MICAL3: variants seen among roughly 807,000 people sequenced by gnomAD.
MICAL3 encodes the protein microtubule associated monooxygenase, calponin and LIM domain containing 3.
In MICAL3, 62 loss-of-function variants were observed where a neutral mutation model predicts 207.4. That is an observed-to-expected ratio of 0.30 (90% CI 0.24 to 0.37). The LOEUF (loss-of-function observed/expected upper bound fraction) is 0.37. Ranked by LOEUF, MICAL3 falls within the 10% of genes least tolerant of loss-of-function variation. MICAL3 has a pLI of 1.00. For synonymous variants in MICAL3, 1,077 were observed against 1,069.3 expected (o/e 1.01, Z -0.14); for missense variants, 2,368 against 2,635.6 (o/e 0.90, Z 2.22).
chr22:17,920,008 T>C (rs1001687936), intron 1 of MICAL3, among the ~76,000 whole-genome samples: 4 of 152,210 alleles, frequency 2.6e-5, no homozygotes, highest in Admixed American at 6.5e-5. Flanking sequence ...ATGGCTAACA[T>C]CTGCATGAGA....
At chr22:18,012,498 G>T (rs1027816657) in intron 1 of MICAL3, among the ~76,000 whole-genome samples, 7 of 152,170 alleles carry the variant, frequency 4.6e-5, no homozygotes, top group African/African-American at 1.7e-4. Flanking sequence ...GGGGCCTGAA[G>T]TTCCATCATC....
At chr22:18,017,408 G>A (rs768018323) in intron 1 of MICAL3, among the ~76,000 whole-genome samples, 5 of 151,330 alleles carry the variant, frequency 3.3e-5, no homozygotes, top group Admixed American at 6.6e-5. Context: ...GTGGAGATGC[G>A]GTTTCACAAT....
intron 1 of MICAL3, among the ~76,000 whole-genome samples, chr22:17,935,121 G>C (rs1221009208): frequency 6.6e-6 from 1 of 152,204 alleles, no homozygotes; most frequent in East Asian, 1.9e-4. Context: ...GCATTGCCAA[G>C]ACAATCCTAA....
Position 17,871,910 on chromosome 22 carries a change from G to A in MICAL3, c.2355C>T (p.His785=), listed in dbSNP as rs749636925. 1 of 1,611,872 alleles carries A rather than the reference G, an allele frequency of 6.2e-7. No individual in the cohort carries two copies. The highest frequency in any genetic ancestry group is 8.5e-7 in the Non-Finnish European group (1 of 1,179,146). The change falls in exon 17 of 32, where the codon CAC becomes CAT. Residue 785 remains histidine (H), a synonymous_variant. Coordinates refer to ENST00000441493, the MANE Select transcript of MICAL3 (RefSeq NM_015241.3). ...ERLSAEGKFF[H]RSCFKCEYCA... ...AGTACTCGCACTTGAAGCAGCTCCG[G>A]TGGAAGAACTTGCCCTCGGCACTCA...
At chr22:17,872,652 C>T in intron 16 of MICAL3, 1 of 787,544 alleles carries the variant, frequency 1.3e-6, no homozygotes, top group Non-Finnish European at 2.2e-6. Context: ...GCATAGCATA[C>T]ACGGGCTATG....
intron 1 of MICAL3, among the ~76,000 whole-genome samples, chr22:17,913,562 C>T (rs1932274100): frequency 6.6e-6 from 1 of 151,952 alleles, no homozygotes; most frequent in Non-Finnish European, 1.5e-5. Flanking sequence ...TTCTCATGAC[C>T]AGCACTCTGC....
rs968698936 is a variant in MICAL3 at position 17,796,917 on chromosome 22, G to C, written c.5651-5616C>G. Reference sequence around the variant, plus strand: ...TGTGGGGTAGAATGGCCAACAGTGTGGGGGAAAGAGTGGCCAGCTGTAGGG... The same window carrying C: ...TGTGGGGTAGAATGGCCAACAGTGTCGGGGAAAGAGTGGCCAGCTGTAGGG... On this transcript the variant is annotated intron_variant, in intron 29 of 31. Transcript: ENST00000441493. This position sits in a 1 kb window ranked among gnomAD's most constrained non-coding sequence, Gnocchi z 4.4. 3.3e-5 allele frequency among the ~76,000 whole-genome samples: 5 copies of C among 149,424 alleles called. No individual in the cohort carries two copies. The highest frequency in any genetic ancestry group is 1.0e-4 in the African/African-American group (4 of 38,820).
At chr22:17,997,468 T>C (rs766020166) in intron 1 of MICAL3, among the ~76,000 whole-genome samples, 4 of 152,196 alleles carry the variant, frequency 2.6e-5, no homozygotes, top group Non-Finnish European at 5.9e-5. Context: ...GATGAATGCT[T>C]CTAGCAAAGG....
At chr22:17,809,715 GGGA>G (rs1309119298) in intron 28 of MICAL3, among the ~76,000 whole-genome samples, 2 of 152,176 alleles carry the variant, frequency 1.3e-5, no homozygotes, top group African/African-American at 4.8e-5. Flanking sequence ...GCTGGAGAAT[GGGA>G]GGAGAGCTCT....
At chr22:17,794,770 G>A (rs1030468476) in intron 29 of MICAL3, among the ~76,000 whole-genome samples, 5 of 152,176 alleles carry the variant, frequency 3.3e-5, no homozygotes, top group African/African-American at 1.2e-4. Flanking sequence ...ACGGGGCATC[G>A]AGAGACAGTG....
At chr22:17,943,168 CT>C (rs1245067691) in intron 1 of MICAL3, among the ~76,000 whole-genome samples, 2 of 152,076 alleles carry the variant, frequency 1.3e-5, no homozygotes, top group Non-Finnish European at 2.9e-5. Context: ...ATCTATCCTT[CT>C]TTTTTTTCTT....
Position 17,872,934 on chromosome 22 carries a change from G to GA in MICAL3, c.2242-912dup, listed in dbSNP as rs1927874185. On this transcript the variant is annotated intron_variant, in intron 16 of 31. Transcript: ENST00000441493. Reference sequence around the variant, plus strand: ...AATACATAAATTAAGAAGACACGGGGAAAAAAAGAAATCTTTGGGAAGTGC... The same window carrying GA: ...AATACATAAATTAAGAAGACACGGGGAAAAAAAAGAAATCTTTGGGAAGTGC... 25 of 925,346 alleles carry GA rather than the reference G, an allele frequency of 2.7e-5. No homozygotes were observed. The East Asian group carries it at 5.2e-4, about 19-fold the overall frequency. The allele number at this position is 925,346 out of a possible 1,614,324, so 57.3% of individuals were successfully genotyped here. A position where few individuals can be genotyped will look rare whatever the true frequency, so the allele number is the denominator to read the frequency against.
At chr22:17,925,954 TG>T (rs768116264) in intron 1 of MICAL3, among the ~76,000 whole-genome samples, 2 of 152,106 alleles carry the variant, frequency 1.3e-5, no homozygotes, top group Non-Finnish European at 2.9e-5. Context: ...TCTAAATCAC[TG>T]ATCAAAGAAA....
At chr22:17,967,463 A>AAC (rs71184751) in intron 1 of MICAL3, among the ~76,000 whole-genome samples, 52,372 of 125,870 alleles carry the variant, frequency 0.42, 10,032 homozygotes, top group South Asian at 0.56. Flanking sequence ...TGTACATGCA[A>AAC]ACACACACAC....
chr22:17,860,245 C>A (rs11917), intron 19 of MICAL3: 392,576 of 984,648 alleles, frequency 0.4, 81,118 homozygotes, highest in African/African-American at 0.68. Context: ...GTTTCACAGT[C>A]AACGGCAAAA....
chr22:17,942,809 G>A (rs981441419), intron 1 of MICAL3, among the ~76,000 whole-genome samples: 2 of 152,238 alleles, frequency 1.3e-5, no homozygotes, highest in Non-Finnish European at 2.9e-5. Flanking sequence ...CCAGCTTGAT[G>A]GGTGCTGCCC....
intron 29 of MICAL3, among the ~76,000 whole-genome samples, chr22:17,801,898 A>C (rs576473163): frequency 3.7e-4 from 57 of 152,036 alleles, no homozygotes; most frequent in South Asian, 1.5e-3. Context: ...CATCTCAAAA[A>C]AAACAAACAA....
chr22:17,822,307 G>GTCTGTCCCTGC, intron 23 of MICAL3, 137 bp from the exon 24 acceptor site: 1 of 1,148,056 alleles, frequency 8.7e-7, no homozygotes, highest in Non-Finnish European at 1.2e-6. Context: ...TCTTACGCAG[G>GTCTGTCCCTGC]GACAGACCTG....
chr22:17,935,356 T>G (rs1344493989), intron 1 of MICAL3, among the ~76,000 whole-genome samples: 3 of 152,200 alleles, frequency 2.0e-5, no homozygotes, highest in African/African-American at 7.2e-5. Flanking sequence ...TAAATGGTGC[T>G]GGGAAAACTG....
Sources: gnomAD v4.1 joint callset for allele counts (sites outside exome capture counted in the v4.1 genomes callset) on GRCh38, gnomAD v4.1.1 for gene constraint, Gnocchi (gnomAD v3.1) non-coding constraint, MANE v1.5 for transcripts, NCBI Gene and HGNC (gene_info 2026-07-23, HGNC 2026-07-21) for gene names.